Variants in SPON2 observed in about 807,000 individuals in gnomAD.
The protein encoded by SPON2 is spondin-2.
SPON2 carries 32 observed loss-of-function variants against 29.9 expected under a neutral mutation model. The ratio of observed to expected loss-of-function variants is 1.07; its 90% CI spans 0.81 to 1.44. The LOEUF is 1.44. Among genes scored for constraint, SPON2 ranks in the 40% most tolerant of loss-of-function variants. The pLI is 0.00. For missense variants in SPON2, 541 were observed against 455.5 expected, an observed-to-expected ratio of 1.19 and a Z score of -1.71; for synonymous variants, 248 against 209.1, an observed-to-expected ratio of 1.19 and a Z score of -1.61.
chr4:1,194,638 C>T (rs1727999124), intron 1 of SPON2, among the ~76,000 whole-genome samples: 1 of 152,178 alleles, frequency 6.6e-6, no homozygotes, highest in African/African-American at 2.4e-5. Context: ...GCCCGCGGGA[C>T]CTGCTCCCCA....
Position 1,202,227 on chromosome 4 carries a change from G to A in SPON2, c.-234+5653C>T, listed in dbSNP as rs538908235. ...TCTTCCACGATGGCCCTTGCACGTCGCATCCTCACCGGCTGGAGGGTGGGT... is the reference window on the plus strand; with the variant it reads ...TCTTCCACGATGGCCCTTGCACGTCACATCCTCACCGGCTGGAGGGTGGGT... On this transcript the variant is annotated intron_variant, in intron 1 of 3. Transcript: ENST00000509233. This position sits in a 1 kb window ranked among gnomAD's most constrained non-coding sequence, Gnocchi z 5.4. Among the ~76,000 whole-genome samples the A allele has an allele frequency of 1.8e-4, 28 of 152,298 alleles. No individual in the cohort carries two copies. Among genetic ancestry groups the A allele is most frequent in the Middle Eastern group, 3.4e-3 (1 of 294 alleles).
At chr4:1,187,262 C>G (rs920082258) in intron 1 of SPON2, among the ~76,000 whole-genome samples, 7 of 152,146 alleles carry the variant, frequency 4.6e-5, no homozygotes, top group Admixed American at 4.6e-4. Flanking sequence ...TAAAATAAGC[C>G]AGTCACAAAA....
chr4:1,171,035 G>A lies in SPON2; in HGVS notation c.600C>T (p.Pro200=). The A allele has an allele frequency of 5.8e-6, 9 of 1,549,254 alleles. No individual in the cohort carries two copies. Among genetic ancestry groups the A allele is most frequent in the Non-Finnish European group, 7.9e-6 (9 of 1,146,138 alleles). Residue 200 remains proline (P), a synonymous_variant, in exon 4 of 6, where the codon CCC becomes CCT. Coordinates refer to ENST00000290902, the MANE Select transcript of SPON2 (RefSeq NM_012445.4). ...TGTCCTGCGGGATGGTGGCGAAGTT[G>A]GGGGAGGAGAAGGTGAAGCCGCTGT... is the stretch of plus-strand genomic sequence containing the variant. The part of the protein sequence containing the change: ...GTDSGFTFSS[P]NFATIPQDTV...
At chr4:1,194,904 A>C (rs1728012857) in intron 1 of SPON2, 1 of 118,560 alleles carries the variant, frequency 8.4e-6, no homozygotes, top group Non-Finnish European at 1.8e-5. Context: ...CGGCGACTCC[A>C]ACCCCGCAGC....
At chr4:1,170,862 G>T in intron 4 of SPON2, 137 bp downstream of exon 4, 1 of 1,255,920 alleles carries the variant, frequency 8.0e-7, no homozygotes, top group Non-Finnish European at 1.1e-6. Flanking sequence ...CACTGCTGGC[G>T]CTAGAAGCAG....
At chr4:1,198,106 T>C (rs1421104637), upstream of SPON2, among the ~76,000 whole-genome samples, 3 of 150,358 alleles carry the variant, frequency 2.0e-5, no homozygotes, top group African/African-American at 4.9e-5. Context: ...TTTTTGTACA[T>C]TGAAATAAAA....
At chr4:1,207,578 TACACATGCTCCAG>T (rs1728373898) in intron 1 of SPON2, among the ~76,000 whole-genome samples, 1 of 151,162 alleles carries the variant, frequency 6.6e-6, no homozygotes, top group East Asian at 1.9e-4. Context: ...GCGCCGCGCT[TACACATGCTCCAG>T]AGGGTCCGGC....
chr4:1,191,340 G>A (rs573487189), intron 1 of SPON2, among the ~76,000 whole-genome samples: 1 of 152,300 alleles, frequency 6.6e-6, no homozygotes, highest in South Asian at 2.1e-4. Context: ...CAACAAGGGT[G>A]CCAAAGTCAC....
At chr4:1,183,901 C>A (rs1279791609) in intron 1 of SPON2, among the ~76,000 whole-genome samples, 2 of 152,076 alleles carry the variant, frequency 1.3e-5, no homozygotes, top group East Asian at 3.8e-4. Flanking sequence ...AAATGGAGGA[C>A]AAAAAACTAT....
chr4:1,198,141 A>G (rs1728110643), upstream of SPON2, among the ~76,000 whole-genome samples: 1 of 152,216 alleles, frequency 6.6e-6, no homozygotes, highest in African/African-American at 2.4e-5. Flanking sequence ...TTAGGAAGAA[A>G]GAGACCCCAG....
chr4:1,176,903 T>TTCACACCATTCATTCA (rs1354093371), upstream of SPON2, among the ~76,000 whole-genome samples: 1 of 152,246 alleles, frequency 6.6e-6, no homozygotes. Context: ...CATTCATTCA[T>TTCACACCATTCATTCA]TCATTAACCA....
At chr4:1,184,585 T>C (rs1201453667) in intron 1 of SPON2, among the ~76,000 whole-genome samples, 1 of 152,126 alleles carries the variant, frequency 6.6e-6, no homozygotes, top group Non-Finnish European at 1.5e-5. Flanking sequence ...TACAAAGCTG[T>C]AGTAATCAAA....
In SPON2 at chr4:1,167,013, A is replaced by C. The variant is rs557085026; in HGVS notation, c.*459T>G. ...ACACTGACGCTTCCGAAACCGCCCC[A>C]TTTATTCACTTCTCAAGTGGCCCCC... On this transcript the variant is annotated 3_prime_UTR_variant, in exon 6 of 6. Coordinates refer to ENST00000290902, the MANE Select transcript of SPON2 (RefSeq NM_012445.4). 1 of 157,804 alleles carries C rather than the reference A, an allele frequency of 6.3e-6. No individual in the cohort carries two copies. The highest frequency in any genetic ancestry group is 2.4e-5 in the African/African-American group (1 of 41,646). The allele number at this position is 157,804 out of a possible 1,614,324, so 9.8% of individuals were successfully genotyped here. A position where few individuals can be genotyped will look rare whatever the true frequency, so the allele number is the denominator to read the frequency against.
chr4:1,168,266 A>G (rs1031189344), intron 5 of SPON2: 1 of 152,302 alleles, frequency 6.6e-6, no homozygotes, highest in Non-Finnish European at 1.5e-5. Context: ...CAAGCCAGCC[A>G]GATGGACAGT....
intron 2 of SPON2, among the ~76,000 whole-genome samples, chr4:1,178,427 G>A (rs958615832): frequency 3.3e-5 from 5 of 151,622 alleles, no homozygotes; most frequent in Non-Finnish European, 7.4e-5. Flanking sequence ...CTTCAGACTC[G>A]AAGGGATGGG....
intron 1 of SPON2, among the ~76,000 whole-genome samples, chr4:1,193,252 C>T (rs1727950648): frequency 6.6e-6 from 1 of 152,200 alleles, no homozygotes; most frequent in African/African-American, 2.4e-5. Context: ...ACTGCAGAGA[C>T]TCAGTGGGCA....
intron 1 of SPON2, among the ~76,000 whole-genome samples, chr4:1,179,825 G>A (rs933188786): frequency 2.0e-5 from 3 of 152,164 alleles, no homozygotes; most frequent in African/African-American, 7.2e-5. Context: ...GACACCACTT[G>A]CAAAGCTGTC....
At chr4:1,176,169 C>T (rs1212308271), upstream of SPON2, among the ~76,000 whole-genome samples, 1 of 152,018 alleles carries the variant, frequency 6.6e-6, no homozygotes, top group Non-Finnish European at 1.5e-5. Flanking sequence ...TTGTGTGACT[C>T]CATGCTCTCA....
At chr4:1,188,675 A>G (rs1463826237) in intron 1 of SPON2, among the ~76,000 whole-genome samples, 1 of 152,240 alleles carries the variant, frequency 6.6e-6, no homozygotes, top group Non-Finnish European at 1.5e-5. Context: ...AGATACATGA[A>G]GCCAAAGCGG....
Sources: gnomAD v4.1 joint callset for allele counts (sites outside exome capture counted in the v4.1 genomes callset) on GRCh38, gnomAD v4.1.1 for gene constraint, Gnocchi (gnomAD v3.1) non-coding constraint, MANE v1.5 for transcripts, NCBI Gene and HGNC (gene_info 2026-07-23, HGNC 2026-07-21) for gene names.